Variants in ITPRID1 observed in about 807,000 individuals in gnomAD.
ITPRID1 encodes ITPR interacting domain containing 1.
Under a neutral mutation model 95.4 loss-of-function variants are expected in ITPRID1, and 96 were observed. The observed-to-expected ratio is 1.01, with a 90% CI of 0.85 to 1.19. ITPRID1 has a LOEUF of 1.19. ITPRID1 is among the 50% of genes most tolerant of loss of function. The probability of loss-of-function intolerance (pLI) is 0.00; values close to 1 mark genes in which losing one functional copy is unlikely to be tolerated. For synonymous variants in ITPRID1, 510 were observed against 453.6 expected (o/e 1.12, Z -1.58); for missense variants, 1,339 against 1,252.9 (o/e 1.07, Z -1.04).
intron 10 of ITPRID1, among the ~76,000 whole-genome samples, chr7:31,597,902 C>T (rs1171259462): frequency 2.6e-5 from 4 of 152,032 alleles, no homozygotes; most frequent in African/African-American, 9.7e-5. Context: ...GTAATTAAGA[C>T]AGGTGCCATA....
chr7:31,566,530 G>T (rs1356138081), intron 5 of ITPRID1, among the ~76,000 whole-genome samples: 2 of 152,180 alleles, frequency 1.3e-5, no homozygotes, highest in African/African-American at 4.8e-5. Context: ...ACAAATGGAG[G>T]CCTTACTTTG....
chr7:31,621,737 A>T (rs1210245395), intron 10 of ITPRID1, among the ~76,000 whole-genome samples: 4 of 147,188 alleles, frequency 2.7e-5, no homozygotes, highest in South Asian at 2.1e-4. Context: ...TAATGACAGG[A>T]TCAAATTCAC....
chr7:31,658,297 C>A, downstream of ITPRID1: 1 of 1,498,752 alleles, frequency 6.7e-7, no homozygotes, highest in Non-Finnish European at 8.8e-7. Flanking sequence ...AGAGCTGGAT[C>A]CCTTTTTTTT....
intron 10 of ITPRID1, among the ~76,000 whole-genome samples, chr7:31,615,232 A>G (rs2128167017): frequency 6.6e-6 from 1 of 152,194 alleles, no homozygotes; most frequent in South Asian, 2.1e-4. Context: ...ACTAGTGAAA[A>G]ATCAAAGATT....
intron 1 of ITPRID1, among the ~76,000 whole-genome samples, chr7:31,527,905 A>G (rs1217285814): frequency 2.0e-5 from 3 of 152,164 alleles, no homozygotes; most frequent in African/African-American, 7.2e-5. Context: ...CCTGAAAGGG[A>G]AGTGTTCTAT....
chr7:31,574,816 G>GGA, intron 8 of ITPRID1, 74 bp downstream of exon 8: 1 of 1,349,510 alleles, frequency 7.4e-7, no homozygotes, highest in Non-Finnish European at 1.0e-6. Flanking sequence ...GTGTAGGCGA[G>GGA]GAGATTGTGT....
intron 9 of ITPRID1, among the ~76,000 whole-genome samples, chr7:31,580,933 C>G (rs1223589365): frequency 6.6e-6 from 1 of 152,136 alleles, no homozygotes; most frequent in Non-Finnish European, 1.5e-5. Flanking sequence ...ACTCGAATTT[C>G]ATTTTAATAA....
intron 1 of ITPRID1, among the ~76,000 whole-genome samples, chr7:31,535,546 T>C (rs1783731582): frequency 6.6e-6 from 1 of 151,942 alleles, no homozygotes; most frequent in Non-Finnish European, 1.5e-5. Flanking sequence ...ACTTTGAAGG[T>C]TTTTTAAATC....
chr7:31,519,521 G>T (rs1583451531), intron 1 of ITPRID1, among the ~76,000 whole-genome samples: 1 of 146,612 alleles, frequency 6.8e-6, no homozygotes, highest in Non-Finnish European at 1.5e-5. Context: ...CTTACATAAT[G>T]ATGTTCCATC....
At chr7:31,548,921 A>G (rs1218990900) in intron 1 of ITPRID1, among the ~76,000 whole-genome samples, 4 of 152,096 alleles carry the variant, frequency 2.6e-5, no homozygotes, top group African/African-American at 9.7e-5. Flanking sequence ...CTTCTCTTCA[A>G]TGCTGCTCTT....
chr7:31,656,466 A>G lies in ITPRID1; in HGVS notation c.*3637A>G, dbSNP rs1562669166. On this transcript the variant is annotated 3_prime_UTR_variant, in exon 15 of 15. Transcript: ENST00000615280. ...TTCAATGCATGTTGGCTATTATTAC[A>G]AGTGCACATACCAAGAACTCAATAA... The G allele has an allele frequency of 4.1e-6, 4 of 977,862 alleles. No homozygotes were observed. In the African/African-American group the frequency reaches 7.0e-5, roughly 17 times the overall value. 60.6% of individuals were successfully genotyped at this position (977,862 alleles called of 1,614,324 possible). A position where few individuals can be genotyped will look rare whatever the true frequency, so the allele number is the denominator to read the frequency against.
intron 1 of ITPRID1, among the ~76,000 whole-genome samples, chr7:31,536,640 C>T (rs117341053): frequency 6.6e-6 from 1 of 152,126 alleles, no homozygotes; most frequent in East Asian, 1.9e-4. Flanking sequence ...TCTATCAAGC[C>T]ACTTGTATAG....
intron 10 of ITPRID1, among the ~76,000 whole-genome samples, chr7:31,615,745 G>A (rs989927815): frequency 6.0e-5 from 7 of 115,844 alleles, no homozygotes; most frequent in Non-Finnish European, 1.8e-5. Context: ...AGAGTTTACT[G>A]AGAATTCTTT....
At chr7:31,540,534 A>G (rs1783901322) in intron 1 of ITPRID1, among the ~76,000 whole-genome samples, 1 of 152,178 alleles carries the variant, frequency 6.6e-6, no homozygotes. Context: ...TTCTCTCTCC[A>G]GTTTCCCATT....
chr7:31,648,047 GT>G (rs1165905341), intron 12 of ITPRID1, among the ~76,000 whole-genome samples: 1 of 151,974 alleles, frequency 6.6e-6, no homozygotes, highest in Non-Finnish European at 1.5e-5. Flanking sequence ...ATTTTAAAAA[GT>G]GTTAATTCAA....
intron 1 of ITPRID1, among the ~76,000 whole-genome samples, chr7:31,536,576 G>C (rs536419169): frequency 1.3e-5 from 2 of 152,134 alleles, no homozygotes; most frequent in East Asian, 1.9e-4. Flanking sequence ...AACCAAAAAA[G>C]ATAAAAAACT....
chr7:31,637,393 C>T (rs1238952209), intron 10 of ITPRID1, among the ~76,000 whole-genome samples: 1 of 152,234 alleles, frequency 6.6e-6, no homozygotes, highest in East Asian at 1.9e-4. Flanking sequence ...TCCTCTCCAG[C>T]ACCTGTTGTT....
Position 31,643,328 on chromosome 7 carries a change from C to A in ITPRID1, c.1958C>A (p.Ala653Glu), listed in dbSNP as rs1790195107. The A allele has an allele frequency of 6.2e-7, 1 of 1,613,976 alleles. No homozygotes were observed. Among genetic ancestry groups the A allele is most frequent in the Non-Finnish European group, 8.5e-7 (1 of 1,179,884 alleles). Residue 653 changes from alanine to glutamate, a missense_variant, in exon 12 of 15, where the codon GCA (alanine) becomes GAA (glutamate). By Grantham distance (107) the Ala-to-Glu change is moderately radical (BLOSUM62 -1). Transcript: ENST00000615280. ...AAGCACAGTGAAATCACACCTTATGCAACTGACCTTGCTCAAACATCTGAA... is the reference window on the plus strand; with the variant it reads ...AAGCACAGTGAAATCACACCTTATGAAACTGACCTTGCTCAAACATCTGAA... ...IPKHSEITPY[A>E]TDLAQTSEKL...
In ITPRID1 at chr7:31,574,609, T is replaced by C. The variant is rs1785110598; in HGVS notation, c.465T>C (p.Ala155=). Residue 155 remains alanine (A), a synonymous_variant, in exon 8 of 15, where the codon GCT becomes GCC. Coordinates refer to ENST00000615280, the MANE Select transcript of ITPRID1 (RefSeq NM_001257967.3). ...TTCTCTTGGATCTGGGGTTTGGTGC[T>C]GATGAGCCAGACATCTGCATGCAAA... is the stretch of plus-strand genomic sequence containing the variant. ...VEILLDLGFG[A]DEPDICMQIP... 3.7e-6 allele frequency: 6 copies of C among 1,613,926 alleles called. No homozygotes were observed. Among genetic ancestry groups the C allele is most frequent in the Non-Finnish European group, 5.1e-6 (6 of 1,179,824 alleles).
Sources: allele counts gnomAD v4.1 joint callset (sites outside exome capture counted in the v4.1 genomes callset), GRCh38; gene constraint gnomAD v4.1.1; transcripts MANE v1.5; gene names NCBI Gene and HGNC (gene_info 2026-07-23, HGNC 2026-07-21).